Variants in RNF152 observed in about 807,000 individuals in gnomAD.
The protein encoded by RNF152 is E3 ubiquitin-protein ligase RNF152.
RNF152 carries 11 observed loss-of-function variants against 12.7 expected under a neutral mutation model. The ratio of observed to expected loss-of-function variants is 0.86; its 90% confidence interval spans 0.54 to 1.43. The LOEUF (loss-of-function observed/expected upper bound fraction) is 1.43. Among genes scored for constraint, RNF152 ranks in the 40% most tolerant of loss-of-function variants. The pLI is 0.00. For missense variants in RNF152, 255 were observed against 274.8 expected (o/e 0.93, Z 0.51); for synonymous variants, 113 against 120.3 (o/e 0.94, Z 0.40).
At chr18:61,847,756 T>C (rs1194163698) in intron 1 of RNF152, among the ~76,000 whole-genome samples, 1 of 152,004 alleles carries the variant, frequency 6.6e-6, no homozygotes, top group Non-Finnish European at 1.5e-5. Context: ...CCCACCCACT[T>C]CCCAAACCTG....
intron 1 of RNF152, among the ~76,000 whole-genome samples, chr18:61,849,811 C>A (rs1186374994): frequency 6.6e-6 from 1 of 152,160 alleles, no homozygotes; most frequent in Non-Finnish European, 1.5e-5. Context: ...AAACCATCCT[C>A]CCGCCTCAGC....
At chr18:61,853,296 C>CTTTTT (rs35190141) in intron 1 of RNF152, among the ~76,000 whole-genome samples, 1 of 127,516 alleles carries the variant, frequency 7.8e-6, no homozygotes, top group East Asian at 2.2e-4. Flanking sequence ...GTTCCTTGCC[C>CTTTTT]TTTTTTTTTT....
chr18:61,865,943 T>G (rs1193096661), intron 1 of RNF152, among the ~76,000 whole-genome samples: 3 of 152,248 alleles, frequency 2.0e-5, no homozygotes, highest in Non-Finnish European at 4.4e-5. Flanking sequence ...AGAGTCATCA[T>G]GTTGTCCAAC....
rs144879233 is a variant in RNF152 at position 61,866,321 on chromosome 18, T to A, written c.-136+26474A>T. Among the ~76,000 whole-genome samples, 68 of 152,288 alleles carry A rather than the reference T, an allele frequency of 4.5e-4. 1 individual carries two copies. Among genetic ancestry groups the A allele is most frequent in the African/African-American group, 1.5e-3 (63 of 41,568 alleles). ...TGCCTTATACACGGGGACTCGTTTA[T>A]CCTCAGGACAACTTGAGGAAGTCAC... On this transcript the variant is annotated intron_variant, in intron 1 of 1. Transcript: ENST00000312828.
At chr18:61,862,070 G>T (rs1911513530) in intron 1 of RNF152, among the ~76,000 whole-genome samples, 1 of 152,192 alleles carries the variant, frequency 6.6e-6, no homozygotes, top group African/African-American at 2.4e-5. Context: ...CCCAGAAGAA[G>T]CTGGACATTC....
intron 1 of RNF152, among the ~76,000 whole-genome samples, chr18:61,881,751 A>C (rs1912472374): frequency 6.6e-6 from 1 of 152,180 alleles, no homozygotes; most frequent in South Asian, 2.1e-4. Flanking sequence ...TGTTATTTTA[A>C]GGAGCACAAA....
At chr18:61,879,642 C>G (rs572008125) in intron 1 of RNF152, among the ~76,000 whole-genome samples, 1 of 152,046 alleles carries the variant, frequency 6.6e-6, no homozygotes, top group African/African-American at 2.4e-5. Context: ...CAGGAAGAAA[C>G]AGTAACTAGA....
intron 1 of RNF152, among the ~76,000 whole-genome samples, chr18:61,880,492 G>A (rs537704249): frequency 1.3e-5 from 2 of 152,246 alleles, no homozygotes; most frequent in South Asian, 2.1e-4. Context: ...CAAGTCACCA[G>A]GCTTTTCCAA....
At chr18:61,888,897 G>A (rs1654282843) in intron 1 of RNF152, 1 of 152,194 alleles carries the variant, frequency 6.6e-6, no homozygotes, top group South Asian at 2.1e-4. Flanking sequence ...TCCTCTACCT[G>A]ACCAGCCGAC....
chr18:61,839,669 G>T (rs2144668102), intron 1 of RNF152, among the ~76,000 whole-genome samples: 1 of 152,200 alleles, frequency 6.6e-6, no homozygotes, highest in East Asian at 1.9e-4. Flanking sequence ...GCTGAGGCGG[G>T]CGGATCACAA....
chr18:61,855,685 G>T (rs1005877512), intron 1 of RNF152, among the ~76,000 whole-genome samples: 5 of 152,172 alleles, frequency 3.3e-5, no homozygotes, highest in African/African-American at 1.2e-4. Flanking sequence ...CCCCACACTC[G>T]CTCACCACAC....
intron 1 of RNF152, among the ~76,000 whole-genome samples, chr18:61,844,260 G>C (rs187669736): frequency 6.6e-6 from 1 of 152,030 alleles, no homozygotes; most frequent in African/African-American, 2.4e-5. Flanking sequence ...AGGCCCCATA[G>C]TATCTAGGAA....
chr18:61,860,137 G>A (rs935998828), intron 1 of RNF152, among the ~76,000 whole-genome samples: 4 of 152,124 alleles, frequency 2.6e-5, no homozygotes, highest in Non-Finnish European at 2.9e-5. Flanking sequence ...CGAGAAGCTG[G>A]GGAAGGGAGG....
chr18:61,825,810 T>C (rs1386801936), intron 1 of RNF152, among the ~76,000 whole-genome samples: 2 of 152,198 alleles, frequency 1.3e-5, no homozygotes, highest in East Asian at 3.9e-4. Flanking sequence ...AAAGTTCCCA[T>C]GTACAAATTT....
chr18:61,878,379 A>C (rs947166371), intron 1 of RNF152, among the ~76,000 whole-genome samples: 1 of 152,218 alleles, frequency 6.6e-6, no homozygotes, highest in African/African-American at 2.4e-5. Flanking sequence ...TCTGGTGAGC[A>C]TCTAGCCAGC....
intron 1 of RNF152, among the ~76,000 whole-genome samples, chr18:61,875,411 G>A (rs1173289306): frequency 6.6e-6 from 1 of 152,172 alleles, no homozygotes; most frequent in Admixed American, 6.5e-5. Context: ...AATTGTCAGT[G>A]CATGCAAGTG....
In RNF152 at chr18:61,808,278, T is replaced by G. The variant is rs1457019440; in HGVS notation, c.*7574A>C. The G allele has an allele frequency of 2.0e-5, 3 of 151,374 alleles. No homozygotes were observed. Among genetic ancestry groups the G allele is most frequent in the Non-Finnish European group, 4.4e-5 (3 of 67,984 alleles). The allele number at this position is 151,374 out of a possible 1,614,324, so 9.4% of individuals were successfully genotyped here. Reference sequence around the variant, plus strand: ...AGAATGCTTTTAAGACATTCAGATTTATAAACAGCAGCTTGATATCCCCTT... The same window carrying G: ...AGAATGCTTTTAAGACATTCAGATTGATAAACAGCAGCTTGATATCCCCTT... On this transcript the variant is annotated 3_prime_UTR_variant, in exon 2 of 2. Transcript: ENST00000312828.
intron 1 of RNF152, among the ~76,000 whole-genome samples, chr18:61,880,363 C>G (rs2144755581): frequency 6.6e-6 from 1 of 152,260 alleles, no homozygotes; most frequent in African/African-American, 2.4e-5. Flanking sequence ...TGCTTTTGAA[C>G]CCTAATCCCA....
chr18:61,884,402 G>C (rs1451056246), intron 1 of RNF152, among the ~76,000 whole-genome samples: 1 of 149,284 alleles, frequency 6.7e-6, no homozygotes, highest in Non-Finnish European at 1.5e-5. Flanking sequence ...GAGAATATCA[G>C]ATACATTTCT....
Sources: allele counts gnomAD v4.1 joint callset (sites outside exome capture counted in the v4.1 genomes callset), GRCh38; gene constraint gnomAD v4.1.1; transcripts MANE v1.5; gene names NCBI Gene and HGNC (gene_info 2026-07-23, HGNC 2026-07-21).